The following HEATR4 variants were observed in gnomAD, a reference collection of about 807,000 sequenced individuals.
HEATR4 encodes the protein HEAT repeat containing 4.
HEATR4 carries 95 observed loss-of-function variants against 108.8 expected under a neutral mutation model. That is an observed-to-expected ratio of 0.87 (90% CI 0.74 to 1.04). HEATR4 has a LOEUF of 1.04. Ranked by LOEUF, HEATR4 falls within the 50% of genes least tolerant of loss-of-function variation. HEATR4 has a pLI of 0.00. For missense variants in HEATR4, 1,152 were observed against 1,253.8 expected, an observed-to-expected ratio of 0.92 and a Z score of 1.23; for synonymous variants, 443 against 459.4, an observed-to-expected ratio of 0.96 and a Z score of 0.46.
At chr14:73,494,580 C>T (rs1432119869) in intron 16 of HEATR4, among the ~76,000 whole-genome samples, 4 of 152,040 alleles carry the variant, frequency 2.6e-5, no homozygotes, top group Non-Finnish European at 5.9e-5. Flanking sequence ...AGACAGGGTC[C>T]CACTTTGTTG....
At chr14:73,506,802 C>CTTTTTTTTTTT (rs1470976246) in intron 9 of HEATR4, among the ~76,000 whole-genome samples, 56 of 57,952 alleles carry the variant, frequency 9.7e-4, no homozygotes, top group African/African-American at 5.4e-3. Flanking sequence ...CTGACTTTAA[C>CTTTTTTTTTTT]TGTTTTTTTT....
chr14:73,564,721 G>GTTTTTTTTTTTTTTT, the HEATR4 span, among the ~76,000 whole-genome samples: 10 of 83,548 alleles, frequency 1.2e-4, 1 homozygote, highest in Non-Finnish European at 1.3e-4. Flanking sequence ...TATCTTTTCT[G>GTTTTTTTTTTTTTTT]TTTTTTGTTT....
At chr14:73,507,266 A>G (rs907830395) in intron 9 of HEATR4, among the ~76,000 whole-genome samples, 2 of 152,202 alleles carry the variant, frequency 1.3e-5, no homozygotes, top group Non-Finnish European at 2.9e-5. Flanking sequence ...CTCTTCTTGC[A>G]TATGCAAATA....
At chr14:73,614,817 C>T in the HEATR4 span, among the ~76,000 whole-genome samples, 4 of 151,794 alleles carry the variant, frequency 2.6e-5, no homozygotes, top group Admixed American at 6.6e-5. Flanking sequence ...AAACAAGGAG[C>T]CGGGCGCAGT....
chr14:73,612,689 G>A, the HEATR4 span: 2,700 of 1,406,230 alleles, frequency 1.9e-3, 37 homozygotes, highest in African/African-American at 0.037. Flanking sequence ...GTCCCTGCGC[G>A]ACGAAGAGGG....
At chr14:73,554,090 C>A (rs1889363947) in intron 1 of HEATR4, among the ~76,000 whole-genome samples, 1 of 114,186 alleles carries the variant, frequency 8.8e-6, no homozygotes, top group Admixed American at 9.9e-5. Context: ...CCAAGGCAGG[C>A]AGATCACTAG....
At chr14:73,487,929 G>A (rs1248546042) in intron 17 of HEATR4, among the ~76,000 whole-genome samples, 1 of 152,204 alleles carries the variant, frequency 6.6e-6, no homozygotes, top group East Asian at 1.9e-4. Context: ...AAACAGTCTA[G>A]CTTGTAGAAG....
intron 16 of HEATR4, among the ~76,000 whole-genome samples, 166 bp downstream of exon 16, chr14:73,495,057 CAAACA>C (rs1484746389): frequency 2.3e-5 from 2 of 86,148 alleles, no homozygotes; most frequent in Non-Finnish European, 4.9e-5. Flanking sequence ...GAGAAACAAA[CAAACA>C]AAAAAAAAAC....
chr14:73,523,105 A>G lies in HEATR4; in HGVS notation c.48T>C (p.Tyr16=), dbSNP rs117287449. The change falls in exon 3 of 18, where the codon TAT becomes TAC. Residue 16 remains tyrosine (Y), a synonymous_variant. Coordinates refer to ENST00000553558, the MANE Select transcript of HEATR4 (RefSeq NM_001220484.1). Reference sequence around the variant, plus strand: ...ATCCCAGTCGTGGGGGCAGTGACTGATAGAAGCAATGGGGGAGAAAGGTCT... The same window carrying G: ...ATCCCAGTCGTGGGGGCAGTGACTGGTAGAAGCAATGGGGGAGAAAGGTCT... ...KGKTFLPHCF[Y]QSLPPRLGWG... is the part of the protein sequence containing the mutation. The G allele has an allele frequency of 2.3e-3, 3,632 of 1,609,630 alleles. 9 individuals are homozygous for G. Among genetic ancestry groups the G allele is most frequent in the Non-Finnish European group, 2.5e-3 (2,898 of 1,179,950 alleles).
chr14:73,611,523 G>C, the HEATR4 span: 1 of 152,164 alleles, frequency 6.6e-6, no homozygotes, highest in Admixed American at 6.5e-5. Flanking sequence ...CAGGCTGAGA[G>C]TGCCACTTGC....
At position 73,547,151 on chromosome 14, in the gene HEATR4, G is replaced by T. The variant is rs1361155789; in HGVS notation, c.-152+11600C>A. Among the ~76,000 whole-genome samples, 2 of 112,432 alleles carry T rather than the reference G, an allele frequency of 1.8e-5. 1 individual carries two copies. The highest frequency in any genetic ancestry group is 2.1e-4 in the Admixed American group (2 of 9,594). 73.8% of individuals were successfully genotyped at this position (112,432 alleles called of 152,430 possible). On this transcript the variant is annotated intron_variant, in intron 1 of 17. Transcript: ENST00000553558. ...TAATCCCAGCCCTTTGAGAGGCCGAGGTGAGTGGATCATGAGGTCAGGAGC... is the reference window on the plus strand; with the variant it reads ...TAATCCCAGCCCTTTGAGAGGCCGATGTGAGTGGATCATGAGGTCAGGAGC...
At chr14:73,605,405 G>A in the HEATR4 span, among the ~76,000 whole-genome samples, 2 of 152,144 alleles carry the variant, frequency 1.3e-5, no homozygotes, top group African/African-American at 4.8e-5. Flanking sequence ...AACTTTGGGA[G>A]GAACTTAGTT....
chr14:73,588,094 T>C, the HEATR4 span, among the ~76,000 whole-genome samples: 3 of 151,940 alleles, frequency 2.0e-5, no homozygotes, highest in African/African-American at 7.2e-5. Flanking sequence ...CTCTGCCTCC[T>C]GGGTTCAAGC....
At chr14:73,493,235 C>T in intron 16 of HEATR4, 111 bp from the exon 17 acceptor site, 3 of 836,466 alleles carry the variant, frequency 3.6e-6, no homozygotes, top group Admixed American at 4.7e-5. Flanking sequence ...CTGGGTAACA[C>T]TGACCATGTC....
In HEATR4 at chr14:73,522,517, C is replaced by T. The variant is rs1888038404; in HGVS notation, c.636G>A (p.Glu212=). 6.2e-7 allele frequency: 1 copy of T among 1,614,114 alleles called. No homozygotes were observed. The highest frequency in any genetic ancestry group is 1.3e-5 in the African/African-American group (1 of 74,944). The change falls in exon 3 of 18, where the codon GAG becomes GAA. Residue 212 remains glutamate, a synonymous_variant. Coordinates refer to ENST00000553558, the MANE Select transcript of HEATR4 (RefSeq NM_001220484.1). ...WEATVLEKLN[E]RTARWIQSKR... is the part of the protein sequence containing the mutation. ...TGCTCTGGATCCATCGGGCTGTGCGCTCGTTCAGCTTTTCCAGCACAGTGG... is the reference window on the plus strand; with the variant it reads ...TGCTCTGGATCCATCGGGCTGTGCGTTCGTTCAGCTTTTCCAGCACAGTGG...
chr14:73,595,312 G>T, the HEATR4 span: 1 of 1,614,222 alleles, frequency 6.2e-7, no homozygotes, highest in Non-Finnish European at 8.5e-7. Context: ...ACCCCAGCAT[G>T]ATTCCAATAG....
At chr14:73,516,897 C>G (rs532574542) in intron 5 of HEATR4, among the ~76,000 whole-genome samples, 1 of 152,330 alleles carries the variant, frequency 6.6e-6, no homozygotes, top group Admixed American at 6.5e-5. Flanking sequence ...CCCCACCCCG[C>G]TGGTCTGTGG....
At chr14:73,553,299 G>A (rs1889349883) in intron 1 of HEATR4, among the ~76,000 whole-genome samples, 1 of 114,222 alleles carries the variant, frequency 8.8e-6, no homozygotes, top group Admixed American at 9.8e-5. Flanking sequence ...CTGGGCTCAG[G>A]AGTTCAAGAC....
At chr14:73,584,122 C>T in the HEATR4 span, among the ~76,000 whole-genome samples, 6 of 151,652 alleles carry the variant, frequency 4.0e-5, no homozygotes, top group Non-Finnish European at 8.8e-5. Flanking sequence ...TGCTCACTTC[C>T]GAAAGGTAAA....
Sources: allele counts gnomAD v4.1 joint callset (sites outside exome capture counted in the v4.1 genomes callset), GRCh38; gene constraint gnomAD v4.1.1; transcripts MANE v1.5; gene names NCBI Gene and HGNC (gene_info 2026-07-23, HGNC 2026-07-21).